Variants in RBFOX1 observed in about 807,000 individuals in gnomAD.
RBFOX1 encodes RNA binding fox-1 homolog 1, also known as RNA binding protein fox-1 homolog 1.
RBFOX1 carries 8 observed loss-of-function variants against 57.7 expected under a neutral mutation model. That is an observed-to-expected ratio of 0.14 (90% CI 0.08 to 0.25). RBFOX1 has a LOEUF of 0.25. Among genes scored for constraint, RBFOX1 ranks in the 10% least tolerant of loss-of-function variants. The probability of loss-of-function intolerance (pLI) is 1.00; values close to 1 mark genes in which losing one functional copy is unlikely to be tolerated. For synonymous variants in RBFOX1, 326 were observed against 222.4 expected (o/e 1.47, Z -4.15); for missense variants, 611 against 548.5 (o/e 1.11, Z -1.14).
intron 4 of RBFOX1, among the ~76,000 whole-genome samples, chr16:7,118,457 A>C (rs1204621627): frequency 6.6e-6 from 1 of 152,156 alleles, no homozygotes; most frequent in Non-Finnish European, 1.5e-5. Context: ...TAAAGGATGG[A>C]AAATTACCTA....
intron 1 of RBFOX1, among the ~76,000 whole-genome samples, chr16:5,311,205 T>C (rs1383132491): frequency 1.3e-5 from 2 of 152,216 alleles, no homozygotes; most frequent in African/African-American, 4.8e-5. Flanking sequence ...TATTCCACGG[T>C]ATGTTTGTAT....
chr16:6,858,860 C>T (rs1010150498), intron 3 of RBFOX1, among the ~76,000 whole-genome samples: 13 of 151,830 alleles, frequency 8.6e-5, no homozygotes, highest in Admixed American at 7.9e-4. Context: ...AAAACTCAGA[C>T]TCGTAGCTAT....
chr16:7,324,782 T>G (rs1161171198), intron 4 of RBFOX1, among the ~76,000 whole-genome samples: 1 of 152,178 alleles, frequency 6.6e-6, no homozygotes, highest in Non-Finnish European at 1.5e-5. Context: ...TAACCATTTT[T>G]AGAGATGTGG....
chr16:6,898,766 T>C (rs1046930854), intron 3 of RBFOX1, among the ~76,000 whole-genome samples: 6 of 152,090 alleles, frequency 3.9e-5, no homozygotes, highest in Non-Finnish European at 8.8e-5. Context: ...AATACGTGTA[T>C]GCACATGCAT....
chr16:7,219,668 C>G (rs1170149894), intron 4 of RBFOX1, among the ~76,000 whole-genome samples: 2 of 152,180 alleles, frequency 1.3e-5, no homozygotes, highest in African/African-American at 4.8e-5. Flanking sequence ...AAACTGGCTC[C>G]TCTGCCGTAT....
intron 4 of RBFOX1, among the ~76,000 whole-genome samples, chr16:5,977,292 C>T (rs985264130): frequency 6.6e-6 from 1 of 152,082 alleles, no homozygotes; most frequent in Non-Finnish European, 1.5e-5. Flanking sequence ...AGGTGTGTAT[C>T]TTGGGAGAAT....
At chr16:6,757,431 G>T (rs992061550) in intron 3 of RBFOX1, among the ~76,000 whole-genome samples, 1 of 152,152 alleles carries the variant, frequency 6.6e-6, no homozygotes. Context: ...TAAAAATGTG[G>T]TATATATGCA....
intron 3 of RBFOX1, among the ~76,000 whole-genome samples, chr16:5,744,851 G>A (rs750439089): frequency 1.4e-4 from 22 of 152,074 alleles, no homozygotes; most frequent in African/African-American, 3.9e-4. Context: ...TCTGCCTCCC[G>A]GGTTCAAACA....
At chr16:7,559,293 T>C (rs1297152435) in intron 5 of RBFOX1, among the ~76,000 whole-genome samples, 3 of 150,134 alleles carry the variant, frequency 2.0e-5, no homozygotes, top group South Asian at 2.1e-4. Context: ...TTACGTTATA[T>C]ACATTATACA....
chr16:6,457,806 C>T (rs1233556259), intron 2 of RBFOX1, among the ~76,000 whole-genome samples: 3 of 152,038 alleles, frequency 2.0e-5, no homozygotes, highest in African/African-American at 7.2e-5. Flanking sequence ...TTGTGTGCAG[C>T]TAGGTGTTAC....
intron 3 of RBFOX1, among the ~76,000 whole-genome samples, chr16:5,769,113 A>C (rs563556045): frequency 3.9e-5 from 6 of 152,126 alleles, no homozygotes; most frequent in Non-Finnish European, 8.8e-5. Context: ...GATATATAGG[A>C]TATGGAAGAG....
intron 11 of RBFOX1, among the ~76,000 whole-genome samples, chr16:7,648,260 C>T (rs186158611): frequency 6.6e-6 from 1 of 152,116 alleles, no homozygotes; most frequent in Non-Finnish European, 1.5e-5. Flanking sequence ...TGGTCTGTCA[C>T]CCAGGCTGGA....
intron 1 of RBFOX1, among the ~76,000 whole-genome samples, chr16:6,170,801 T>A (rs539205125): frequency 6.6e-6 from 1 of 152,184 alleles, no homozygotes; most frequent in South Asian, 2.1e-4. Context: ...TGTGTCCCTG[T>A]GTTCTCTTTA....
intron 3 of RBFOX1, among the ~76,000 whole-genome samples, chr16:5,760,375 C>G (rs572146262): frequency 5.7e-4 from 87 of 152,166 alleles, no homozygotes; most frequent in African/African-American, 2.0e-3. Flanking sequence ...CACACACACA[C>G]ACGTATATAC....
At chr16:6,786,405 T>C (rs1282288522) in intron 3 of RBFOX1, among the ~76,000 whole-genome samples, 2 of 152,194 alleles carry the variant, frequency 1.3e-5, no homozygotes, top group East Asian at 3.9e-4. Flanking sequence ...TTGGGCTTCA[T>C]GCATCATTTT....
chr16:5,388,455 A>G (rs913776618), intron 1 of RBFOX1, among the ~76,000 whole-genome samples: 5 of 152,152 alleles, frequency 3.3e-5, no homozygotes, highest in Non-Finnish European at 5.9e-5. Context: ...TCTCAATGCA[A>G]TCCTTTAAAC....
At chr16:7,114,581 C>G (rs1567312195) in intron 4 of RBFOX1, among the ~76,000 whole-genome samples, 1 of 152,182 alleles carries the variant, frequency 6.6e-6, no homozygotes, top group Admixed American at 6.5e-5. Context: ...CTATTTATCT[C>G]CTCTAGCCCA....
chr16:6,643,069 C>T (rs2098505530), intron 2 of RBFOX1, among the ~76,000 whole-genome samples: 1 of 152,098 alleles, frequency 6.6e-6, no homozygotes, highest in South Asian at 2.1e-4. Flanking sequence ...CCTTCTTAAA[C>T]ACATATTAAT....
chr16:6,186,206 C>T (rs1368111650), intron 1 of RBFOX1, among the ~76,000 whole-genome samples: 1 of 152,066 alleles, frequency 6.6e-6, no homozygotes. Context: ...CTCCTGGGTT[C>T]GTCATCATCA....
Sources: gnomAD v4.1 joint callset for allele counts (sites outside exome capture counted in the v4.1 genomes callset) on GRCh38, gnomAD v4.1.1 for gene constraint, MANE v1.5 for transcripts, NCBI Gene and HGNC (gene_info 2026-07-23, HGNC 2026-07-21) for gene names.